DYNC1H1: variants seen among roughly 807,000 people sequenced by gnomAD.
The protein encoded by DYNC1H1 is cytoplasmic dynein 1 heavy chain 1.
DYNC1H1 carries 51 observed loss-of-function variants against 527.1 expected under a neutral mutation model. That is an observed-to-expected ratio of 0.10 (90% CI 0.08 to 0.12). The LOEUF (loss-of-function observed/expected upper bound fraction) is 0.12. Ranked by LOEUF, DYNC1H1 falls within the 10% of genes least tolerant of loss-of-function variation. DYNC1H1 has a pLI of 1.00. For synonymous variants in DYNC1H1, 2,189 were observed against 2,278.8 expected (o/e 0.96, Z 1.12); for missense variants, 2,771 against 5,971.8 (o/e 0.46, Z 17.66).
intron 42 of DYNC1H1, among the ~76,000 whole-genome samples, chr14:102,021,858 A>C (rs1396265102): frequency 1.3e-5 from 2 of 151,764 alleles, no homozygotes; most frequent in African/African-American, 4.8e-5. Flanking sequence ...ACAGGGTTTC[A>C]CCACATTGGC....
intron 16 of DYNC1H1, among the ~76,000 whole-genome samples, chr14:101,998,405 C>G (rs1243667356): frequency 6.6e-6 from 1 of 152,186 alleles, no homozygotes; most frequent in Admixed American, 6.5e-5. Context: ...CCCCTCTCCC[C>G]TTTATAAATG....
Position 102,005,252 on chromosome 14 carries a change from G to T in DYNC1H1, c.5433+16G>T, listed in dbSNP as rs745615989. On this transcript the variant is annotated intron_variant, in intron 26 of 77. Coordinates refer to ENST00000360184, the MANE Select transcript of DYNC1H1 (RefSeq NM_001376.5). The surrounding 1 kb of genome is among the most constrained non-coding windows in gnomAD (Gnocchi z 4.0). Reference sequence around the variant, plus strand: ...AGAACACTTGGTTAGTCTCACACCTGACTCCTTCCTTACCAGTTAGACTCT... The same window carrying T: ...AGAACACTTGGTTAGTCTCACACCTTACTCCTTCCTTACCAGTTAGACTCT... 6.2e-7 allele frequency: 1 copy of T among 1,614,046 alleles called. No homozygotes were observed. Among genetic ancestry groups the T allele is most frequent in the South Asian group, 1.1e-5 (1 of 91,064 alleles).
At position 102,015,303 on chromosome 14, in the gene DYNC1H1, G is replaced by C; in HGVS notation, c.7213G>C (p.Gly2405Arg). The change falls in exon 35 of 78, where the codon GGG becomes CGG. Residue 2405 changes from glycine to arginine, a missense_variant. Physicochemically the swap from Gly to Arg is moderately radical, Grantham distance 125. Transcript: ENST00000360184. The surrounding 1 kb of genome is among the most constrained non-coding windows in gnomAD (Gnocchi z 6.9). ...QRRRKGKEDEGEEAASPMLQI... is the reference protein window; with the variant it reads ...QRRRKGKEDEREEAASPMLQI... ...GCGGCGTAAGGGCAAAGAGGATGAG[G>C]GGGAGGAGGCCGCTTCCCCCATGCT... The C allele has an allele frequency of 6.2e-7, 1 of 1,613,864 alleles. No individual in the cohort carries two copies. Among genetic ancestry groups the C allele is most frequent in the Admixed American group, 1.7e-5 (1 of 59,988 alleles).
rs981974629 is a variant in DYNC1H1, at chr14:102,012,386, G to T, written c.6930G>T (p.Glu2310Asp). Residue 2310 changes from glutamate (E) to aspartate (D), a missense_variant, in exon 34 of 78, where the codon GAG becomes GAT. By Grantham distance (45) the Glu-to-Asp change is conservative (BLOSUM62 2). Transcript: ENST00000360184. This position sits in a 1 kb window ranked among gnomAD's most constrained non-coding sequence, Gnocchi z 4.9. The part of the protein sequence containing the change: ...WIVFDGDVDP[E>D]WVENLNSVLD... ...TCTTCGATGGCGATGTGGATCCAGA[G>T]TGGGTTGAGAACTTGAACTCAGTGC... The T allele has an allele frequency of 8.1e-6, 13 of 1,614,110 alleles. No individual in the cohort carries two copies. Among genetic ancestry groups the T allele is most frequent in the Non-Finnish European group, 1.1e-5 (13 of 1,180,046 alleles).
Position 102,050,692 on chromosome 14 carries a change from G to A in DYNC1H1, c.*129G>A. 2 of 1,449,064 alleles carry A rather than the reference G, an allele frequency of 1.4e-6. No homozygotes were observed. Among genetic ancestry groups the A allele is most frequent in the South Asian group, 1.2e-5 (1 of 85,360 alleles). 89.8% of individuals were successfully genotyped at this position (1,449,064 alleles called of 1,614,324 possible). ...GTCTGAGGTTGGAGGAAGCTGAATG[G>A]AATCTGACGGTTGGGAGTGGTGGAA... On this transcript the variant is annotated 3_prime_UTR_variant, in exon 78 of 78. Transcript: ENST00000360184.
At chr14:102,009,633 A>T in intron 29 of DYNC1H1, 1 of 653,310 alleles carries the variant, frequency 1.5e-6, no homozygotes, top group Non-Finnish European at 2.5e-6. Context: ...GGACACGTGC[A>T]CATGAGGTAC....
intron 23 of DYNC1H1, among the ~76,000 whole-genome samples, chr14:102,003,609 A>T (rs1449151432): frequency 1.3e-5 from 2 of 152,184 alleles, no homozygotes; most frequent in South Asian, 4.1e-4. Context: ...TAGTTTGCTT[A>T]GGCTGAATTG....
Position 101,964,729 on chromosome 14 carries a change from C to A in DYNC1H1, c.38C>A (p.Ser13Ter). ...GGGGGCGGCGGCGGCGAGGACGGCT[C>A]GGCCGGATTGGAAGTGTCGGCCGTG... ...EPGGGGGEDG[S>*]AGLEVSAVQN... Residue 13 changes from serine to a stop codon, truncating the protein, a stop_gained, in exon 1 of 78, where the codon TCG (serine) becomes TAG (stop). Transcript: ENST00000360184. LOFTEE classifies it high-confidence loss of function. The surrounding 1 kb of genome is among the most constrained non-coding windows in gnomAD (Gnocchi z 5.5). 1 of 1,597,084 alleles carries A rather than the reference C, an allele frequency of 6.3e-7. No individual in the cohort carries two copies. Among genetic ancestry groups the A allele is most frequent in the East Asian group, 2.3e-5 (1 of 44,416 alleles).
In DYNC1H1 at chr14:102,055,872, C is replaced by G. The variant is rs1233466037; in HGVS notation, c.*5309C>G. 1 of 152,396 alleles carries G rather than the reference C, an allele frequency of 6.6e-6. No individual in the cohort carries two copies. Among genetic ancestry groups the G allele is most frequent in the Non-Finnish European group, 1.5e-5 (1 of 68,182 alleles). 9.4% of individuals were successfully genotyped at this position (152,396 alleles called of 1,614,324 possible). A position where few individuals can be genotyped will look rare whatever the true frequency, so the allele number is the denominator to read the frequency against. ...GGGCCCCGCTATTCCATCTCAATCT[C>G]TGCCCTGGCCCCCAGCCCAGCATCC... On this transcript the variant is annotated 3_prime_UTR_variant, in exon 78 of 78. Coordinates refer to ENST00000360184, the MANE Select transcript of DYNC1H1 (RefSeq NM_001376.5).
chr14:101,997,235 C>T lies in DYNC1H1; in HGVS notation c.3765C>T (p.Thr1255=), dbSNP rs150953878. 9.7e-5 allele frequency: 156 copies of T among 1,614,020 alleles called. 1 individual carries two copies. The highest frequency in any genetic ancestry group is 3.5e-4 in the South Asian group (32 of 91,046). Reference sequence around the variant, plus strand: ...ATCGGGCCGTGGAAAGCCGCACCACCGACCTGCTGACTGACTGGGAGAAGA... The same window carrying T: ...ATCGGGCCGTGGAAAGCCGCACCACTGACCTGCTGACTGACTGGGAGAAGA... ...QEDRAVESRT[T]DLLTDWEKTK... The change falls in exon 16 of 78, where the codon ACC becomes ACT. Residue 1255 remains threonine, a synonymous_variant. Coordinates refer to ENST00000360184, the MANE Select transcript of DYNC1H1 (RefSeq NM_001376.5). The surrounding 1 kb of genome is among the most constrained non-coding windows in gnomAD (Gnocchi z 4.8).
intron 73 of DYNC1H1, 82 bp downstream of exon 73, chr14:102,048,110 T>C: frequency 6.7e-7 from 1 of 1,499,200 alleles, no homozygotes; most frequent in South Asian, 1.2e-5. Flanking sequence ...CCATGGACCA[T>C]TGGTTCCACT....
intron 14 of DYNC1H1, 29 bp downstream of exon 14, chr14:101,995,125 C>T: frequency 2.5e-6 from 4 of 1,614,186 alleles, no homozygotes; most frequent in Non-Finnish European, 3.4e-6. Flanking sequence ...GCCTCTGTAA[C>T]CGGTCTACTG....
chr14:102,048,096 T>G, intron 73 of DYNC1H1, 68 bp downstream of exon 73: 1 of 1,523,406 alleles, frequency 6.6e-7, no homozygotes, highest in Non-Finnish European at 8.9e-7. Context: ...CATGGACCAT[T>G]GTTCCATGGA....
In DYNC1H1 at chr14:102,051,362, G is replaced by GT. The variant is rs911872740; in HGVS notation, c.*800dup. The GT allele has an allele frequency of 2.0e-5, 3 of 152,436 alleles. No individual in the cohort carries two copies. Among genetic ancestry groups the GT allele is most frequent in the Non-Finnish European group, 4.4e-5 (3 of 68,278 alleles). 9.4% of individuals were successfully genotyped at this position (152,436 alleles called of 1,614,324 possible). A position where few individuals can be genotyped will look rare whatever the true frequency, so the allele number is the denominator to read the frequency against. On this transcript the variant is annotated 3_prime_UTR_variant, in exon 78 of 78. Coordinates refer to ENST00000360184, the MANE Select transcript of DYNC1H1 (RefSeq NM_001376.5). ...TAGCCGGGCATGGTGGCACATGCCTGTAATCCCAGCTACTCGGGAGGCTGA... is the reference window on the plus strand; with the variant it reads ...TAGCCGGGCATGGTGGCACATGCCTGTTAATCCCAGCTACTCGGGAGGCTGA...
chr14:101,983,132 G>A lies in DYNC1H1; in HGVS notation c.1075G>A (p.Ala359Thr). 1 of 1,614,162 alleles carries A rather than the reference G, an allele frequency of 6.2e-7. No individual in the cohort carries two copies. The highest frequency in any genetic ancestry group is 8.5e-7 in the Non-Finnish European group (1 of 1,180,032). ...GGACAAAATAAGACAGGCGCTTGTT[G>A]CCATTTTCACACATTTGAGAAAGAT... is the stretch of plus-strand genomic sequence containing the variant. ...ELDKIRQALV[A>T]IFTHLRKIRN... The change falls in exon 6 of 78, where the codon GCC (alanine) becomes ACC (threonine). Residue 359 changes from alanine (A) to threonine (T), a missense_variant. Around this residue, in one of 32 missense-constraint regions of DYNC1H1, gnomAD observed 264 missense variants for 619.4 expected, o/e 0.43. Coordinates refer to ENST00000360184, the MANE Select transcript of DYNC1H1 (RefSeq NM_001376.5). The surrounding 1 kb of genome is among the most constrained non-coding windows in gnomAD (Gnocchi z 5.3).
At position 102,036,817 on chromosome 14, in the gene DYNC1H1, A is replaced by G. The variant is rs2048580887; in HGVS notation, c.10908+175A>G. On this transcript the variant is annotated intron_variant, in intron 57 of 77. Transcript: ENST00000360184. The surrounding 1 kb of genome is among the most constrained non-coding windows in gnomAD (Gnocchi z 5.6). ...AATCATTATTTGCATTTAAAATTCT[A>G]TTCAGTGGTCGGGCGAGGTGGCTCA... is the stretch of plus-strand genomic sequence containing the variant. 3.2e-6 allele frequency: 3 copies of G among 943,914 alleles called. No homozygotes were observed. The highest frequency in any genetic ancestry group is 1.4e-5 in the South Asian group (1 of 71,456). 58.5% of individuals were successfully genotyped at this position (943,914 alleles called of 1,614,324 possible). A position where few individuals can be genotyped will look rare whatever the true frequency, so the allele number is the denominator to read the frequency against.
At chr14:102,030,049 GGAGA>G (rs550418617) in intron 50 of DYNC1H1, 109 bp from the exon 51 acceptor site, 3 of 1,553,782 alleles carry the variant, frequency 1.9e-6, no homozygotes, top group African/African-American at 3.3e-5. Flanking sequence ...AGGGAGGGAG[GGAGA>G]GAGAGTGTGT....
chr14:102,009,643 C>A, intron 29 of DYNC1H1, 200 bp from the exon 30 acceptor site: 1 of 716,090 alleles, frequency 1.4e-6, no homozygotes, highest in Non-Finnish European at 2.2e-6. Flanking sequence ...ACATGAGGTA[C>A]ATGGGAATGG....
rs76153656 is a variant in DYNC1H1, at chr14:101,967,415, T to G, written c.256+2468T>G. On this transcript the variant is annotated intron_variant, in intron 1 of 77. Coordinates refer to ENST00000360184, the MANE Select transcript of DYNC1H1 (RefSeq NM_001376.5). ...AATTACTTTTATTTATTTTATTCCT[T>G]CCACTTTTTTTGTGGAAGTATCCAA... 6.7e-3 allele frequency among the ~76,000 whole-genome samples: 1,024 copies of G among 152,374 alleles called. 11 individuals carry two copies. The highest frequency in any genetic ancestry group is 0.024 in the African/African-American group (995 of 41,578).
Sources: gnomAD v4.1 joint callset for allele counts (sites outside exome capture counted in the v4.1 genomes callset) on GRCh38, gnomAD v4.1.1 for gene constraint, gnomAD v4.1.1 regional missense constraint, Gnocchi (gnomAD v3.1) non-coding constraint, MANE v1.5 for transcripts, NCBI Gene and HGNC (gene_info 2026-07-23, HGNC 2026-07-21) for gene names.